The following RARS2 variants were observed in gnomAD, a reference collection of about 807,000 sequenced individuals.
The protein encoded by RARS2 is probable arginine--tRNA ligase, mitochondrial.
In RARS2, 67 loss-of-function variants were observed where a neutral mutation model predicts 88.5. That is an observed-to-expected ratio of 0.76 (90% CI 0.62 to 0.93). The LOEUF (loss-of-function observed/expected upper bound fraction) is 0.93, where lower values mean the gene tolerates loss of function less well. RARS2 is among the 40% of genes least tolerant of loss of function. The pLI, the probability that RARS2 is intolerant of heterozygous loss-of-function variation, is 0.00. For missense variants in RARS2, 664 were observed against 684.2 expected, an observed-to-expected ratio of 0.97 and a Z score of 0.33; for synonymous variants, 239 against 230.3, an observed-to-expected ratio of 1.04 and a Z score of -0.34.
chr6:87,530,752 A>G, intron 9 of RARS2, 32 bp downstream of exon 9: 1 of 1,611,386 alleles, frequency 6.2e-7, no homozygotes, highest in Non-Finnish European at 8.5e-7. Flanking sequence ...GCACTGCATC[A>G]TGGGAAAGCA....
chr6:87,528,635 T>C (rs1181730532), intron 10 of RARS2, among the ~76,000 whole-genome samples: 1 of 152,130 alleles, frequency 6.6e-6, no homozygotes, highest in Non-Finnish European at 1.5e-5. Flanking sequence ...AAATAAACGA[T>C]GCACAGAAAA....
chr6:87,549,057 T>A (rs74329322), intron 5 of RARS2, among the ~76,000 whole-genome samples: 2 of 151,734 alleles, frequency 1.3e-5, no homozygotes, highest in Non-Finnish European at 1.5e-5. Flanking sequence ...ACAAAAAAAA[T>A]TTTTTTTAGT....
intron 16 of RARS2, 156 bp from the exon 17 acceptor site, chr6:87,518,420 T>C: frequency 4.7e-6 from 7 of 1,476,254 alleles, no homozygotes; most frequent in Non-Finnish European, 5.4e-6. Flanking sequence ...GACAGGGTTA[T>C]TCTGAGGACT....
At chr6:87,542,954 T>TA (rs1267911050) in intron 7 of RARS2, among the ~76,000 whole-genome samples, 1 of 151,164 alleles carries the variant, frequency 6.6e-6, no homozygotes, top group East Asian at 1.9e-4. Context: ...CCCTAGAACT[T>TA]AAAGTATAAA....
intron 15 of RARS2, 40 bp downstream of exon 15, chr6:87,518,784 A>T: frequency 6.2e-7 from 1 of 1,612,728 alleles, no homozygotes; most frequent in Non-Finnish European, 8.5e-7. Context: ...TTGCTCTAGT[A>T]CCAAACAAAA....
intron 7 of RARS2, among the ~76,000 whole-genome samples, chr6:87,545,028 C>T (rs1002062637): frequency 3.9e-5 from 6 of 152,178 alleles, no homozygotes; most frequent in African/African-American, 1.4e-4. Context: ...TGTATACTCA[C>T]TTCTACATTT....
rs752235496 is a variant in RARS2, at chr6:87,569,488, T to C, written c.110+29A>G. On this transcript the variant is annotated intron_variant, in intron 2 of 19. Transcript: ENST00000369536. ...TATCAACAAAGTCAGCAACATTTTA[T>C]AGATTGTTACAAGTGTATTATACTT... 53 of 1,525,010 alleles carry C rather than the reference T, an allele frequency of 3.5e-5. No homozygotes were observed. In the African/African-American group the frequency reaches 3.8e-4, roughly 11 times the overall value. 94.5% of individuals were successfully genotyped at this position (1,525,010 alleles called of 1,614,324 possible).
chr6:87,578,578 C>G (rs1000558426), intron 1 of RARS2, among the ~76,000 whole-genome samples: 4 of 152,268 alleles, frequency 2.6e-5, no homozygotes, highest in South Asian at 4.1e-4. Context: ...TTTACTAACT[C>G]CACATGGTGC....
chr6:87,572,132 AG>A (rs1299729286), intron 1 of RARS2, among the ~76,000 whole-genome samples: 2 of 151,244 alleles, frequency 1.3e-5, no homozygotes, highest in Non-Finnish European at 2.9e-5. Context: ...TCCAAATTCC[AG>A]TTCTACTTTT....
chr6:87,525,379 T>C (rs1775325507), intron 10 of RARS2, among the ~76,000 whole-genome samples: 2 of 152,148 alleles, frequency 1.3e-5, no homozygotes, highest in Non-Finnish European at 2.9e-5. Flanking sequence ...AAATTGTCTC[T>C]GCAGGCAACA....
chr6:87,545,603 C>A lies in RARS2; in HGVS notation c.535+13G>T. 1 of 1,613,136 alleles carries A rather than the reference C, an allele frequency of 6.2e-7. No homozygotes were observed. The highest frequency in any genetic ancestry group is 8.5e-7 in the Non-Finnish European group (1 of 1,179,572). ...TACAATGAAATGAAAAATAAAATCT[C>A]AAGTGTACTTACCAAACTGCATGCC... On this transcript the variant is annotated intron_variant, in intron 7 of 19. Coordinates refer to ENST00000369536, the MANE Select transcript of RARS2 (RefSeq NM_020320.5).
chr6:87,514,542 G>T, intron 19 of RARS2, 43 bp from the exon 20 acceptor site: 1 of 1,471,660 alleles, frequency 6.8e-7, no homozygotes, highest in Non-Finnish European at 9.5e-7. Context: ...TTCAGTAACA[G>T]GAATGTATTC....
intron 2 of RARS2, among the ~76,000 whole-genome samples, chr6:87,569,134 C>G (rs980197314): frequency 2.6e-5 from 4 of 152,168 alleles, no homozygotes; most frequent in African/African-American, 7.2e-5. Context: ...CAACAGTATT[C>G]AAGCACCAGA....
At chr6:87,547,185 C>T (rs2128123136) in intron 6 of RARS2, among the ~76,000 whole-genome samples, 2 of 152,342 alleles carry the variant, frequency 1.3e-5, no homozygotes, top group Admixed American at 1.3e-4. Context: ...TTTCCCTCAA[C>T]TGTGAAAACA....
At chr6:87,536,384 C>T (rs1013166997) in intron 8 of RARS2, among the ~76,000 whole-genome samples, 2 of 152,110 alleles carry the variant, frequency 1.3e-5, no homozygotes, top group African/African-American at 4.8e-5. Flanking sequence ...CACCTGTAAT[C>T]CCAGCATTTT....
chr6:87,514,404 T>C lies in RARS2; in HGVS notation c.*9A>G. ...TCACTTGACATTTTAAAAGCCATTT[T>C]AATGGAAATTACATCCTACATACAG... On this transcript the variant is annotated 3_prime_UTR_variant, in exon 20 of 20. Coordinates refer to ENST00000369536, the MANE Select transcript of RARS2 (RefSeq NM_020320.5). 6.3e-7 allele frequency: 1 copy of C among 1,575,456 alleles called. No individual in the cohort carries two copies. The highest frequency in any genetic ancestry group is 8.7e-7 in the Non-Finnish European group (1 of 1,144,944).
At chr6:87,562,887 A>G in intron 3 of RARS2, 102 bp from the exon 4 acceptor site, 1 of 838,410 alleles carries the variant, frequency 1.2e-6, no homozygotes, top group East Asian at 2.5e-5. Context: ...CAAGTAAGTC[A>G]TCTTTCATGG....
intron 10 of RARS2, among the ~76,000 whole-genome samples, chr6:87,525,837 C>T (rs767946569): frequency 2.0e-5 from 3 of 151,980 alleles, no homozygotes; most frequent in Non-Finnish European, 4.4e-5. Flanking sequence ...TGAGCCACCG[C>T]GCCCAGCCAA....
chr6:87,563,565 G>A (rs184995398), intron 3 of RARS2, among the ~76,000 whole-genome samples: 299 of 152,206 alleles, frequency 2.0e-3, no homozygotes, highest in African/African-American at 7.0e-3. Context: ...TAATAACCTT[G>A]TCCAACATTA....
Sources: allele counts gnomAD v4.1 joint callset (sites outside exome capture counted in the v4.1 genomes callset), GRCh38; gene constraint gnomAD v4.1.1; transcripts MANE v1.5; gene names NCBI Gene and HGNC (gene_info 2026-07-23, HGNC 2026-07-21).